The following CHL1 variants were observed in gnomAD, a reference collection of about 807,000 sequenced individuals.
The protein encoded by CHL1 is neural cell adhesion molecule L1-like protein.
In CHL1, 96 loss-of-function variants were observed where a neutral mutation model predicts 141.9. The observed-to-expected ratio is 0.68, with a 90% CI of 0.57 to 0.80. The LOEUF is 0.80. Ranked by LOEUF, CHL1 falls within the 30% of genes least tolerant of loss-of-function variation. CHL1 has a pLI of 0.00. For missense variants in CHL1, 1,820 were observed against 1,457.2 expected, an observed-to-expected ratio of 1.25 and a Z score of -4.05; for synonymous variants, 613 against 502.2, an observed-to-expected ratio of 1.22 and a Z score of -2.95.
At chr3:256,298 A>C (rs1694162315) in intron 2 of CHL1, among the ~76,000 whole-genome samples, 1 of 152,232 alleles carries the variant, frequency 6.6e-6, no homozygotes, top group South Asian at 2.1e-4. Context: ...CATAGCATGC[A>C]ATTTTTACTT....
At chr3:305,170 A>G (rs1167989801) in intron 2 of CHL1, among the ~76,000 whole-genome samples, 1 of 152,152 alleles carries the variant, frequency 6.6e-6, no homozygotes. Flanking sequence ...TCAAAGGAAA[A>G]TCTCTACAGT....
At chr3:285,648 A>T (rs1166306121) in intron 2 of CHL1, among the ~76,000 whole-genome samples, 2 of 152,192 alleles carry the variant, frequency 1.3e-5, no homozygotes, top group Non-Finnish European at 2.9e-5. Context: ...TTTAAAATTG[A>T]GATCATAATT....
intron 1 of CHL1, among the ~76,000 whole-genome samples, chr3:242,378 C>T (rs9870975): frequency 0.51 from 72,086 of 140,548 alleles, 18,835 homozygotes; most frequent in South Asian, 0.73. Flanking sequence ...GGGCAGATCA[C>T]GAGGTCAGGA....
At chr3:262,492 G>A (rs1694812211) in intron 2 of CHL1, among the ~76,000 whole-genome samples, 1 of 119,546 alleles carries the variant, frequency 8.4e-6, no homozygotes, top group Non-Finnish European at 1.6e-5. Context: ...TACTCACAGG[G>A]CAGGATTCAC....
chr3:242,542 G>C (rs1301877167), intron 1 of CHL1, among the ~76,000 whole-genome samples: 1 of 152,044 alleles, frequency 6.6e-6, no homozygotes, highest in Non-Finnish European at 1.5e-5. Flanking sequence ...CTTGCAGTGA[G>C]CCGAGATTGT....
intron 2 of CHL1, among the ~76,000 whole-genome samples, chr3:292,403 A>T (rs1697771635): frequency 6.6e-6 from 1 of 152,244 alleles, no homozygotes; most frequent in African/African-American, 2.4e-5. Flanking sequence ...GAAAGCAAGA[A>T]TCAGGTTTTA....
At chr3:300,739 C>G in intron 2 of CHL1, among the ~76,000 whole-genome samples, 1 of 151,700 alleles carries the variant, frequency 6.6e-6, no homozygotes, top group South Asian at 2.1e-4. Context: ...GAGATAAGTG[C>G]TCTCGTGTGA....
intron 19 of CHL1, among the ~76,000 whole-genome samples, chr3:386,660 C>T (rs925681259): frequency 1.3e-5 from 2 of 152,168 alleles, no homozygotes; most frequent in African/African-American, 2.4e-5. Context: ...AAGCCCAAAA[C>T]CCCACTAATG....
At chr3:365,704 C>T (rs1704789924) in intron 14 of CHL1, among the ~76,000 whole-genome samples, 1 of 152,076 alleles carries the variant, frequency 6.6e-6, no homozygotes, top group Admixed American at 6.5e-5. Context: ...TACTCCCTTC[C>T]CCAAGAAATA....
intron 26 of CHL1, among the ~76,000 whole-genome samples, chr3:400,807 G>A (rs1709063639): frequency 6.7e-6 from 1 of 148,806 alleles, no homozygotes; most frequent in African/African-American, 2.4e-5. Flanking sequence ...CTCAAAAAAA[G>A]TAATAATAAA....
chr3:332,787 A>G (rs1701540273), intron 5 of CHL1, among the ~76,000 whole-genome samples: 1 of 152,190 alleles, frequency 6.6e-6, no homozygotes, highest in Non-Finnish European at 1.5e-5. Flanking sequence ...TTACATTTAT[A>G]TACTTCACTG....
chr3:243,066 C>G (rs558973861), intron 1 of CHL1, among the ~76,000 whole-genome samples: 2 of 152,242 alleles, frequency 1.3e-5, no homozygotes, highest in East Asian at 3.9e-4. Context: ...AAAGTGGTAC[C>G]ATGGCTGTAG....
intron 16 of CHL1, among the ~76,000 whole-genome samples, chr3:379,863 T>TA (rs917075807): frequency 2.6e-5 from 4 of 151,996 alleles, no homozygotes; most frequent in Middle Eastern, 3.2e-3. Context: ...CAATTGACAA[T>TA]AAAAAAATAA....
At chr3:400,266 A>C (rs904805731) in intron 26 of CHL1, among the ~76,000 whole-genome samples, 18 of 152,342 alleles carry the variant, frequency 1.2e-4, no homozygotes, top group African/African-American at 4.3e-4. Flanking sequence ...TTTTTGTAAA[A>C]TGACATGCAT....
At chr3:305,567 A>T (rs1699152804) in intron 2 of CHL1, among the ~76,000 whole-genome samples, 1 of 151,882 alleles carries the variant, frequency 6.6e-6, no homozygotes, top group African/African-American at 2.4e-5. Context: ...TTCTAGGAAA[A>T]ACCCATGGTC....
chr3:276,086 A>T (rs1219745096), intron 2 of CHL1, among the ~76,000 whole-genome samples: 1 of 151,904 alleles, frequency 6.6e-6, no homozygotes, highest in South Asian at 2.1e-4. Flanking sequence ...ATTATTGTTT[A>T]TATTATTCTT....
chr3:226,687 T>A (rs1024613998), intron 1 of CHL1, among the ~76,000 whole-genome samples: 1 of 152,118 alleles, frequency 6.6e-6, no homozygotes, highest in South Asian at 2.1e-4. Context: ...CCTCAGCAGA[T>A]CCACCTGCCT....
intron 5 of CHL1, among the ~76,000 whole-genome samples, chr3:335,240 A>C (rs1701770596): frequency 6.6e-6 from 1 of 152,204 alleles, no homozygotes; most frequent in Admixed American, 6.5e-5. Flanking sequence ...AATTTGTTCA[A>C]TTAAGGGTGC....
chr3:330,879 G>A (rs1243150500), intron 5 of CHL1, among the ~76,000 whole-genome samples: 2 of 152,058 alleles, frequency 1.3e-5, no homozygotes, highest in Non-Finnish European at 2.9e-5. Flanking sequence ...ACACAAATCA[G>A]AATAGCATAG....
Sources: gnomAD v4.1 joint callset for allele counts (sites outside exome capture counted in the v4.1 genomes callset) on GRCh38, gnomAD v4.1.1 for gene constraint, MANE v1.5 for transcripts, NCBI Gene and HGNC (gene_info 2026-07-23, HGNC 2026-07-21) for gene names.